The following NDST3 variants were observed in gnomAD, a reference collection of about 807,000 sequenced individuals.
NDST3 encodes the protein bifunctional heparan sulfate N-deacetylase/N-sulfotransferase 3.
A neutral mutation model predicts 96.1 loss-of-function variants in NDST3; 58 were observed. That is an observed-to-expected ratio of 0.60 (90% confidence interval 0.49 to 0.75). The LOEUF is 0.75. NDST3 is among the 30% of genes least tolerant of loss of function. The pLI, the probability that NDST3 is intolerant of heterozygous loss-of-function variation, is 0.00. For synonymous variants in NDST3, 333 were observed against 359.7 expected, an observed-to-expected ratio of 0.93 and a Z score of 0.84; for missense variants, 788 against 1,034.2, an observed-to-expected ratio of 0.76 and a Z score of 3.27.
intron 3 of NDST3, among the ~76,000 whole-genome samples, chr4:118,110,823 C>G (rs1017593416): frequency 6.6e-6 from 1 of 151,738 alleles, no homozygotes; most frequent in Non-Finnish European, 1.5e-5. Flanking sequence ...ATCATATATC[C>G]AAAGAAAGAA....
chr4:118,232,191 T>G (rs1187087307), intron 8 of NDST3, among the ~76,000 whole-genome samples: 1 of 152,208 alleles, frequency 6.6e-6, no homozygotes, highest in Non-Finnish European at 1.5e-5. Flanking sequence ...AGAACCCAAG[T>G]ATTGATTTTG....
chr4:118,154,909 G>T (rs762180760), intron 6 of NDST3, among the ~76,000 whole-genome samples: 1 of 152,112 alleles, frequency 6.6e-6, no homozygotes, highest in Non-Finnish European at 1.5e-5. Flanking sequence ...AACATGTCAG[G>T]CTATTGTCTA....
chr4:118,048,013 T>G (rs564983001), intron 1 of NDST3, among the ~76,000 whole-genome samples: 1 of 152,278 alleles, frequency 6.6e-6, no homozygotes, highest in East Asian at 1.9e-4. Flanking sequence ...GGGAATCCCA[T>G]TAAGCTAGCA....
chr4:118,148,369 T>C (rs1047112580), intron 6 of NDST3, among the ~76,000 whole-genome samples: 1 of 152,162 alleles, frequency 6.6e-6, no homozygotes, highest in Non-Finnish European at 1.5e-5. Context: ...TGTAACAATA[T>C]TGTGCCTCCT....
At chr4:118,039,458 A>G (rs918036332) in intron 1 of NDST3, among the ~76,000 whole-genome samples, 1 of 152,214 alleles carries the variant, frequency 6.6e-6, no homozygotes, top group African/African-American at 2.4e-5. Flanking sequence ...CACTTCAAGT[A>G]CTCTATTAGA....
intron 2 of NDST3, among the ~76,000 whole-genome samples, chr4:118,076,901 T>C (rs905508040): frequency 7.9e-5 from 12 of 152,216 alleles, no homozygotes; most frequent in African/African-American, 2.9e-4. Flanking sequence ...TGTGCACTCG[T>C]TCTTTCTCAT....
intron 6 of NDST3, among the ~76,000 whole-genome samples, chr4:118,188,176 A>T (rs1737088688): frequency 1.3e-5 from 2 of 151,918 alleles, no homozygotes; most frequent in Non-Finnish European, 1.5e-5. Flanking sequence ...AATGTACCTG[A>T]AGTTTAGATT....
intron 6 of NDST3, among the ~76,000 whole-genome samples, chr4:118,199,652 A>C (rs1396167561): frequency 6.6e-6 from 1 of 152,072 alleles, no homozygotes; most frequent in African/African-American, 2.4e-5. Flanking sequence ...TTGAAGAGTT[A>C]GGTATTTATT....
chr4:118,251,939 C>CT (rs1741772647), intron 12 of NDST3, among the ~76,000 whole-genome samples: 1 of 152,020 alleles, frequency 6.6e-6, no homozygotes, highest in Non-Finnish European at 1.5e-5. Flanking sequence ...GTATAGCTCC[C>CT]TTTTTTTCTA....
At chr4:118,131,573 C>T (rs755014521) in intron 4 of NDST3, among the ~76,000 whole-genome samples, 8 of 152,078 alleles carry the variant, frequency 5.3e-5, no homozygotes, top group Non-Finnish European at 7.4e-5. Context: ...GGTCACACAT[C>T]CTTATTTCTC....
chr4:118,098,398 A>G (rs1729513034), intron 2 of NDST3, among the ~76,000 whole-genome samples: 1 of 152,052 alleles, frequency 6.6e-6, no homozygotes, highest in Admixed American at 6.6e-5. Context: ...TAAAAAGTAC[A>G]TTAGTATTTT....
At chr4:118,185,973 C>T (rs10024765) in intron 6 of NDST3, among the ~76,000 whole-genome samples, 7,553 of 152,180 alleles carry the variant, frequency 0.05, 369 homozygotes, top group African/African-American at 0.12. Context: ...CTATTACCAT[C>T]ATAATTTTAC....
At chr4:118,156,311 C>T (rs1406650976) in intron 6 of NDST3, among the ~76,000 whole-genome samples, 1 of 152,148 alleles carries the variant, frequency 6.6e-6, no homozygotes, top group African/African-American at 2.4e-5. Flanking sequence ...CCCAACCCTC[C>T]AGCTTGATTT....
intron 4 of NDST3, among the ~76,000 whole-genome samples, chr4:118,131,138 T>C (rs541117861): frequency 6.6e-6 from 1 of 152,324 alleles, no homozygotes; most frequent in African/African-American, 2.4e-5. Context: ...TTTTCTGTTA[T>C]TCCTTTGAAT....
At chr4:118,157,548 G>A (rs28393351) in intron 6 of NDST3, among the ~76,000 whole-genome samples, 66 of 150,636 alleles carry the variant, frequency 4.4e-4, no homozygotes, top group African/African-American at 1.5e-3. Flanking sequence ...TCAGCCTCCC[G>A]AGTAGTTAGG....
chr4:118,132,072 C>T (rs1027425001), intron 4 of NDST3, among the ~76,000 whole-genome samples: 3 of 152,108 alleles, frequency 2.0e-5, no homozygotes, highest in Non-Finnish European at 2.9e-5. Context: ...CTGGCTACCA[C>T]CTATGTTCAC....
chr4:118,209,512 A>G (rs2125985299), intron 6 of NDST3, among the ~76,000 whole-genome samples: 1 of 152,364 alleles, frequency 6.6e-6, no homozygotes, highest in Middle Eastern at 3.4e-3. Context: ...AGTAATAGCA[A>G]TGCATTAAAC....
chr4:118,103,981 G>A (rs1729966284), intron 2 of NDST3, among the ~76,000 whole-genome samples: 1 of 152,070 alleles, frequency 6.6e-6, no homozygotes, highest in Non-Finnish European at 1.5e-5. Flanking sequence ...ACAATCATGG[G>A]GTAGTCAATG....
intron 6 of NDST3, among the ~76,000 whole-genome samples, chr4:118,155,332 T>C (rs182633169): frequency 9.8e-5 from 15 of 152,310 alleles, no homozygotes; most frequent in African/African-American, 3.6e-4. Context: ...ACCCCATGTC[T>C]ATGTGGGTTT....
Sources: gnomAD v4.1 joint callset for allele counts (sites outside exome capture counted in the v4.1 genomes callset) on GRCh38, gnomAD v4.1.1 for gene constraint, MANE v1.5 for transcripts, NCBI Gene and HGNC (gene_info 2026-07-23, HGNC 2026-07-21) for gene names.